MMP16: variants seen among roughly 807,000 people sequenced by gnomAD.
The protein encoded by MMP16 is matrix metalloproteinase-16.
A neutral mutation model predicts 67.8 loss-of-function variants in MMP16; 12 were observed. That is an observed-to-expected ratio of 0.18 (90% CI 0.11 to 0.29). MMP16 has a LOEUF of 0.29. Ranked by LOEUF, MMP16 falls within the 10% of genes least tolerant of loss-of-function variation. The pLI, the probability that MMP16 is intolerant of heterozygous loss-of-function variation, is 1.00. For synonymous variants in MMP16, 249 were observed against 255.9 expected (o/e 0.97, Z 0.26); for missense variants, 475 against 765.7 (o/e 0.62, Z 4.48).
intron 1 of MMP16, among the ~76,000 whole-genome samples, chr8:88,233,694 T>C (rs1399746734): frequency 1.3e-5 from 2 of 152,236 alleles, no homozygotes; most frequent in African/African-American, 4.8e-5. Flanking sequence ...AGACCAGAGC[T>C]GCCTGCACAG....
chr8:88,279,250 A>G (rs923892484), intron 1 of MMP16, among the ~76,000 whole-genome samples: 4 of 152,222 alleles, frequency 2.6e-5, no homozygotes, highest in African/African-American at 9.6e-5. Flanking sequence ...CAATGCATAA[A>G]AAATGTAAAC....
chr8:88,211,759 CCCTACTAAGTATGGAAAGATTA>C (rs1809516172), intron 1 of MMP16, among the ~76,000 whole-genome samples: 1 of 152,096 alleles, frequency 6.6e-6, no homozygotes, highest in African/African-American at 2.4e-5. Context: ...TTTTGACCTA[CCCTACTAAGTATGGAAAGATTA>C]AGTATCCCAA....
intron 4 of MMP16, among the ~76,000 whole-genome samples, chr8:88,155,425 T>C (rs1808492383): frequency 6.6e-6 from 1 of 152,126 alleles, no homozygotes; most frequent in South Asian, 2.1e-4. Context: ...TTTCTTTACT[T>C]ACAGGATATA....
intron 3 of MMP16, among the ~76,000 whole-genome samples, chr8:88,177,496 C>T (rs763073569): frequency 1.3e-5 from 2 of 151,998 alleles, no homozygotes; most frequent in Non-Finnish European, 2.9e-5. Flanking sequence ...GGGTGGAGGG[C>T]GGGGAGAGAG....
intron 1 of MMP16, among the ~76,000 whole-genome samples, chr8:88,255,451 T>C (rs929569566): frequency 3.3e-5 from 5 of 152,162 alleles, no homozygotes; most frequent in African/African-American, 1.2e-4. Context: ...TATAGCAGTG[T>C]AACAGACTAA....
chr8:88,324,653 T>C (rs946680115), intron 1 of MMP16, among the ~76,000 whole-genome samples: 5 of 152,126 alleles, frequency 3.3e-5, no homozygotes, highest in Admixed American at 6.5e-5. Context: ...AATAAAACAT[T>C]CCCAGTGTGT....
At chr8:88,055,627 A>G (rs1808322434) in intron 8 of MMP16, among the ~76,000 whole-genome samples, 1 of 152,248 alleles carries the variant, frequency 6.6e-6, no homozygotes, top group Non-Finnish European at 1.5e-5. Flanking sequence ...TTCAAGCTAA[A>G]AGTAATTAGC....
At chr8:88,213,732 T>C (rs898045963) in intron 1 of MMP16, among the ~76,000 whole-genome samples, 21 of 152,314 alleles carry the variant, frequency 1.4e-4, no homozygotes, top group Non-Finnish European at 2.6e-4. Flanking sequence ...GTATTAACTT[T>C]AATGTCATAA....
intron 1 of MMP16, among the ~76,000 whole-genome samples, chr8:88,321,458 G>T (rs553176960): frequency 1.3e-5 from 2 of 151,984 alleles, no homozygotes; most frequent in African/African-American, 4.8e-5. Flanking sequence ...AATTTTTAAG[G>T]TTTGCTACCT....
At chr8:88,056,311 T>C in intron 7 of MMP16, 33 bp from the exon 8 acceptor site, 1 of 1,205,768 alleles carries the variant, frequency 8.3e-7, no homozygotes, top group Non-Finnish European at 1.1e-6. Flanking sequence ...TAGAATATAT[T>C]AATTTAATGT....
intron 1 of MMP16, among the ~76,000 whole-genome samples, chr8:88,312,505 GTACAATTTGATAAGTTTTGACA>G (rs775797420): frequency 5.4e-4 from 82 of 152,112 alleles, no homozygotes; most frequent in Non-Finnish European, 1.1e-3. Flanking sequence ...TATTTTAAGT[GTACAATTTGATAAGTTTTGACA>G]TACACAGACC....
chr8:88,083,603 A>G (rs181814149), intron 6 of MMP16, among the ~76,000 whole-genome samples: 24 of 152,090 alleles, frequency 1.6e-4, no homozygotes, highest in African/African-American at 5.3e-4. Context: ...TAGTGTAAAA[A>G]CTCTTTTCAC....
intron 6 of MMP16, among the ~76,000 whole-genome samples, chr8:88,105,925 G>A (rs10112908): frequency 0.29 from 44,242 of 150,322 alleles, 6,579 homozygotes; most frequent in Middle Eastern, 0.31. Context: ...TCATCCAGAG[G>A]TAACTGTTCT....
At chr8:88,273,248 C>G (rs796592402) in intron 1 of MMP16, among the ~76,000 whole-genome samples, 10 of 132,316 alleles carry the variant, frequency 7.6e-5, no homozygotes, top group African/African-American at 2.8e-4. Context: ...CCATGCCTGG[C>G]TTTTTTTTTT....
chr8:88,291,910 T>C (rs1269746109), intron 1 of MMP16, among the ~76,000 whole-genome samples: 1 of 152,184 alleles, frequency 6.6e-6, no homozygotes, highest in Non-Finnish European at 1.5e-5. Context: ...GTAATCCTCG[T>C]GTTAGTAGTA....
At chr8:88,128,973 TCA>T (rs1356761242) in intron 4 of MMP16, among the ~76,000 whole-genome samples, 3 of 151,772 alleles carry the variant, frequency 2.0e-5, no homozygotes, top group African/African-American at 4.8e-5. Flanking sequence ...ATAGAGACCC[TCA>T]CAGAAGGGAT....
intron 2 of MMP16, among the ~76,000 whole-genome samples, chr8:88,195,560 C>T (rs911889996): frequency 1.3e-5 from 2 of 152,152 alleles, no homozygotes; most frequent in Non-Finnish European, 2.9e-5. Context: ...CAGCAAAACA[C>T]AGGATTTGCT....
chr8:88,094,801 T>C (rs1808997969), intron 6 of MMP16, among the ~76,000 whole-genome samples: 1 of 151,774 alleles, frequency 6.6e-6, no homozygotes, highest in Non-Finnish European at 1.5e-5. Flanking sequence ...TGAAAAACTG[T>C]TAGCCCCTTG....
At chr8:88,070,269 T>G (rs575736138) in intron 7 of MMP16, among the ~76,000 whole-genome samples, 19 of 152,214 alleles carry the variant, frequency 1.2e-4, no homozygotes, top group African/African-American at 4.3e-4. Context: ...GGACTCTTAT[T>G]TGGAAACCAT....
Sources: gnomAD v4.1 joint callset for allele counts (sites outside exome capture counted in the v4.1 genomes callset) on GRCh38, gnomAD v4.1.1 for gene constraint, MANE v1.5 for transcripts, NCBI Gene and HGNC (gene_info 2026-07-23, HGNC 2026-07-21) for gene names.